Variants in HS3ST3A1 observed in about 807,000 individuals in gnomAD.
The protein encoded by HS3ST3A1 is heparan sulfate glucosamine 3-O-sulfotransferase 3A1.
In HS3ST3A1, 19 loss-of-function variants were observed where a neutral mutation model predicts 25.7. That is an observed-to-expected ratio of 0.74 (90% CI 0.52 to 1.08). The LOEUF (loss-of-function observed/expected upper bound fraction) is 1.08, where lower values mean the gene tolerates loss of function less well. Ranked by LOEUF, HS3ST3A1 falls within the 50% of genes least tolerant of loss-of-function variation. The pLI is 0.00. For synonymous variants in HS3ST3A1, 226 were observed against 278.6 expected (o/e 0.81, Z 1.88); for missense variants, 459 against 594.3 (o/e 0.77, Z 2.37).
chr17:13,508,718 C>T (rs1368230631), intron 1 of HS3ST3A1, among the ~76,000 whole-genome samples: 1 of 152,196 alleles, frequency 6.6e-6, no homozygotes, highest in Non-Finnish European at 1.5e-5. Flanking sequence ...CGGTGTGCTT[C>T]TATCAATGTC....
chr17:13,596,603 C>T (rs1048453641), intron 1 of HS3ST3A1, among the ~76,000 whole-genome samples: 4 of 151,994 alleles, frequency 2.6e-5, no homozygotes, highest in Admixed American at 2.6e-4. Context: ...TAGACAAGTA[C>T]GCTAGACTCA....
At chr17:13,600,459 G>C in intron 1 of HS3ST3A1, 72 bp downstream of exon 1, 1 of 1,458,158 alleles carries the variant, frequency 6.9e-7, no homozygotes, top group Non-Finnish European at 9.0e-7. Flanking sequence ...GGGTCACCGA[G>C]GGCTCCTCCA....
At chr17:13,507,408 T>TA (rs1905720646) in intron 1 of HS3ST3A1, among the ~76,000 whole-genome samples, 1 of 152,208 alleles carries the variant, frequency 6.6e-6, no homozygotes, top group South Asian at 2.1e-4. Flanking sequence ...CAGGTCCATC[T>TA]AGCTCCAAAG....
intron 1 of HS3ST3A1, among the ~76,000 whole-genome samples, chr17:13,555,702 T>C (rs1907354844): frequency 6.6e-6 from 1 of 152,118 alleles, no homozygotes; most frequent in African/African-American, 2.4e-5. Flanking sequence ...ATAATAAAAA[T>C]GCAAAAGATG....
At chr17:13,548,802 G>A (rs1598423018) in intron 1 of HS3ST3A1, among the ~76,000 whole-genome samples, 1 of 151,934 alleles carries the variant, frequency 6.6e-6, no homozygotes, top group African/African-American at 2.4e-5. Flanking sequence ...ACACCAATCA[G>A]CACTCTGTAA....
At chr17:13,560,370 C>T (rs756844179) in intron 1 of HS3ST3A1, among the ~76,000 whole-genome samples, 7 of 143,652 alleles carry the variant, frequency 4.9e-5, no homozygotes, top group Non-Finnish European at 9.0e-5. Context: ...TTTTTTCCTG[C>T]CACCTTTGCT....
intron 1 of HS3ST3A1, among the ~76,000 whole-genome samples, chr17:13,497,357 CCAT>C (rs1457671297): frequency 3.3e-5 from 5 of 152,260 alleles, no homozygotes; most frequent in Admixed American, 1.3e-4. Flanking sequence ...ATTAAAGAAT[CCAT>C]CTTTTGCCTA....
chr17:13,592,334 C>T (rs1908448821), intron 1 of HS3ST3A1, among the ~76,000 whole-genome samples: 1 of 152,200 alleles, frequency 6.6e-6, no homozygotes, highest in Non-Finnish European at 1.5e-5. Context: ...CTACAAGCAA[C>T]AGATCATTCC....
chr17:13,507,085 A>T (rs990619691), intron 1 of HS3ST3A1, among the ~76,000 whole-genome samples: 7 of 151,346 alleles, frequency 4.6e-5, no homozygotes, highest in African/African-American at 1.7e-4. Context: ...AAAAAAAAAA[A>T]ACAAAAAAAG....
intron 1 of HS3ST3A1, among the ~76,000 whole-genome samples, chr17:13,539,262 C>A (rs73978678): frequency 0.05 from 7,591 of 152,162 alleles, 469 homozygotes; most frequent in African/African-American, 0.14. Flanking sequence ...TGATGCAAAT[C>A]CCAAGGCCAG....
intron 1 of HS3ST3A1, among the ~76,000 whole-genome samples, chr17:13,512,609 A>G (rs991269705): frequency 2.0e-4 from 30 of 152,232 alleles, no homozygotes; most frequent in Non-Finnish European, 4.1e-4. Flanking sequence ...TACTTGTGAC[A>G]GAGATCACGT....
chr17:13,541,236 T>C (rs961151445), intron 1 of HS3ST3A1, among the ~76,000 whole-genome samples: 3 of 152,156 alleles, frequency 2.0e-5, no homozygotes, highest in African/African-American at 7.2e-5. Context: ...ATTCCAGCCA[T>C]AAAGTTTCAA....
chr17:13,575,274 C>T (rs977033260), intron 1 of HS3ST3A1, among the ~76,000 whole-genome samples: 22 of 152,262 alleles, frequency 1.4e-4, no homozygotes, highest in African/African-American at 4.8e-4. Context: ...GAAAAAGCAT[C>T]TTTTAGGTTC....
chr17:13,507,309 C>T (rs186905526), intron 1 of HS3ST3A1, among the ~76,000 whole-genome samples: 7 of 152,264 alleles, frequency 4.6e-5, no homozygotes, highest in Non-Finnish European at 2.9e-5. Context: ...GAATTATTCC[C>T]TTCATTTCAC....
chr17:13,502,335 A>G (rs1031769520), intron 1 of HS3ST3A1, among the ~76,000 whole-genome samples: 1 of 152,122 alleles, frequency 6.6e-6, no homozygotes, highest in African/African-American at 2.4e-5. Context: ...ACCTGCCTCC[A>G]TGGCTGTGCC....
At chr17:13,550,155 ATTTTGTTTTG>A (rs1033089818) in intron 1 of HS3ST3A1, among the ~76,000 whole-genome samples, 17 of 152,186 alleles carry the variant, frequency 1.1e-4, no homozygotes, top group African/African-American at 3.4e-4. Flanking sequence ...AGTAGTAATC[ATTTTGTTTTG>A]TTTTGTTTTG....
At chr17:13,535,335 A>G (rs186886538) in intron 1 of HS3ST3A1, among the ~76,000 whole-genome samples, 62 of 152,328 alleles carry the variant, frequency 4.1e-4, no homozygotes, top group Non-Finnish European at 7.4e-5. Context: ...CTAGATGGCA[A>G]TTTGGCACTA....
chr17:13,559,720 A>C (rs1264112197), intron 1 of HS3ST3A1, among the ~76,000 whole-genome samples: 5 of 151,962 alleles, frequency 3.3e-5, no homozygotes, highest in Non-Finnish European at 4.4e-5. Context: ...AATTCAGTGA[A>C]CAGCACTTTC....
chr17:13,569,969 T>G (rs1487115342), intron 1 of HS3ST3A1, among the ~76,000 whole-genome samples: 1 of 152,306 alleles, frequency 6.6e-6, no homozygotes, highest in Non-Finnish European at 1.5e-5. Context: ...AGGCTGGAGA[T>G]TCTATTCTGG....
Sources: allele counts gnomAD v4.1 joint callset (sites outside exome capture counted in the v4.1 genomes callset), GRCh38; gene constraint gnomAD v4.1.1; transcripts MANE v1.5; gene names NCBI Gene and HGNC (gene_info 2026-07-23, HGNC 2026-07-21).